C8orf34: variants seen among roughly 807,000 people sequenced by gnomAD.
C8orf34 encodes uncharacterized protein C8orf34.
A neutral mutation model predicts 68.3 loss-of-function variants in C8orf34; 65 were observed. The observed-to-expected ratio is 0.95, with a 90% CI of 0.78 to 1.17. C8orf34 has a LOEUF of 1.17. Ranked by LOEUF, C8orf34 falls within the 50% of genes most tolerant of loss-of-function variation. The pLI is 0.00. For missense variants in C8orf34, 664 were observed against 655.4 expected (o/e 1.01, Z -0.14); for synonymous variants, 244 against 241.2 (o/e 1.01, Z -0.11).
chr8:68,783,766 G>A (rs948203059), intron 11 of C8orf34, among the ~76,000 whole-genome samples: 6 of 152,026 alleles, frequency 3.9e-5, no homozygotes, highest in Non-Finnish European at 8.8e-5. Flanking sequence ...CAACCACCTC[G>A]GGCACATGTC....
chr8:68,736,559 A>T (rs1822128156), intron 10 of C8orf34, among the ~76,000 whole-genome samples: 1 of 152,128 alleles, frequency 6.6e-6, no homozygotes, highest in Admixed American at 6.6e-5. Context: ...TGTGATTATT[A>T]ACACTAGAAT....
chr8:68,330,688 G>C, upstream of C8orf34: 1 of 289,938 alleles, frequency 3.4e-6, no homozygotes, highest in Non-Finnish European at 6.3e-6. Flanking sequence ...TTTTTAAGCG[G>C]CGCTGTCGCT....
intron 11 of C8orf34, among the ~76,000 whole-genome samples, chr8:68,784,586 T>C (rs989726896): frequency 6.6e-6 from 1 of 152,254 alleles, no homozygotes; most frequent in Non-Finnish European, 1.5e-5. Flanking sequence ...AATGCTCCTG[T>C]ATATACATTT....
At chr8:68,479,169 T>A (rs893560337) in intron 4 of C8orf34, among the ~76,000 whole-genome samples, 5 of 152,096 alleles carry the variant, frequency 3.3e-5, no homozygotes, top group Non-Finnish European at 7.4e-5. Flanking sequence ...TAAAGAATAA[T>A]TTTTAGAGAC....
At chr8:68,611,377 A>G (rs1818018692) in intron 7 of C8orf34, among the ~76,000 whole-genome samples, 1 of 152,170 alleles carries the variant, frequency 6.6e-6, no homozygotes, top group African/African-American at 2.4e-5. Context: ...GGAAAAAGGG[A>G]AATCAGAGAA....
chr8:68,480,157 G>C (rs560169557), intron 4 of C8orf34, among the ~76,000 whole-genome samples: 13 of 152,216 alleles, frequency 8.5e-5, no homozygotes, highest in Non-Finnish European at 1.8e-4. Context: ...AGGGACCCAG[G>C]GGGAGGTAAT....
intron 5 of C8orf34, among the ~76,000 whole-genome samples, chr8:68,491,356 A>G (rs1813305937): frequency 6.6e-6 from 1 of 152,152 alleles, no homozygotes; most frequent in Non-Finnish European, 1.5e-5. Flanking sequence ...CTTTAAAGCA[A>G]CACAAATTTA....
At chr8:68,543,831 C>T (rs1438937197) in intron 7 of C8orf34, among the ~76,000 whole-genome samples, 2 of 152,200 alleles carry the variant, frequency 1.3e-5, no homozygotes, top group African/African-American at 4.8e-5. Context: ...TAACCCTCCA[C>T]ATTGAACAGT....
chr8:68,377,968 C>T (rs1428974102), intron 1 of C8orf34, among the ~76,000 whole-genome samples: 1 of 152,042 alleles, frequency 6.6e-6, no homozygotes, highest in Admixed American at 6.5e-5. Context: ...ACCATCAGAT[C>T]TCATGAGACT....
chr8:68,419,105 A>T (rs573392823), intron 1 of C8orf34, among the ~76,000 whole-genome samples: 1 of 152,058 alleles, frequency 6.6e-6, no homozygotes, highest in Admixed American at 6.6e-5. Flanking sequence ...TAATATCCAG[A>T]ATCTACAATG....
At chr8:68,535,723 A>G (rs1223257339) in intron 7 of C8orf34, 2 of 920,832 alleles carry the variant, frequency 2.2e-6, no homozygotes, top group African/African-American at 3.6e-5. Flanking sequence ...AAGTAGATCA[A>G]ATATTTTCTG....
intron 10 of C8orf34, among the ~76,000 whole-genome samples, chr8:68,731,685 A>G (rs1408452968): frequency 1.3e-5 from 2 of 152,222 alleles, no homozygotes; most frequent in Non-Finnish European, 2.9e-5. Context: ...CTTACATAAA[A>G]CTATCTATTA....
chr8:68,800,364 T>C (rs991498985), intron 12 of C8orf34, among the ~76,000 whole-genome samples: 18 of 152,154 alleles, frequency 1.2e-4, no homozygotes, highest in African/African-American at 3.1e-4. Flanking sequence ...TAGAGTAATT[T>C]GGGTTTTTTT....
intron 8 of C8orf34, among the ~76,000 whole-genome samples, chr8:68,660,399 T>G (rs933303975): frequency 6.6e-6 from 1 of 152,208 alleles, no homozygotes; most frequent in Admixed American, 6.5e-5. Context: ...GTACTGCCCA[T>G]GGGTGCCAAT....
intron 1 of C8orf34, among the ~76,000 whole-genome samples, chr8:68,420,324 T>C (rs754253943): frequency 1.3e-5 from 2 of 152,140 alleles, no homozygotes; most frequent in Non-Finnish European, 2.9e-5. Context: ...ACATTAATTC[T>C]CACAAAAGCT....
At chr8:68,768,991 G>C (rs1021710436) in intron 10 of C8orf34, among the ~76,000 whole-genome samples, 1 of 151,226 alleles carries the variant, frequency 6.6e-6, no homozygotes, top group Admixed American at 6.6e-5. Context: ...TTTAAAAATC[G>C]TGTGGTCTTT....
At chr8:68,487,652 T>C (rs1311891321) in intron 4 of C8orf34, among the ~76,000 whole-genome samples, 1 of 152,204 alleles carries the variant, frequency 6.6e-6, no homozygotes, top group African/African-American at 2.4e-5. Flanking sequence ...GGAATCTAAA[T>C]TCTTAACAAG....
At chr8:68,668,958 C>A (rs754381655) in intron 8 of C8orf34, among the ~76,000 whole-genome samples, 22 of 152,118 alleles carry the variant, frequency 1.4e-4, no homozygotes, top group Non-Finnish European at 2.8e-4. Flanking sequence ...AGATAAGACC[C>A]CAGCCCAGCC....
intron 1 of C8orf34, among the ~76,000 whole-genome samples, chr8:68,436,319 T>TATTG (rs2129625377): frequency 6.6e-6 from 1 of 152,354 alleles, no homozygotes; most frequent in East Asian, 1.9e-4. Flanking sequence ...ATATTAATTT[T>TATTG]ATTGATATAA....
Sources: gnomAD v4.1 joint callset for allele counts (sites outside exome capture counted in the v4.1 genomes callset) on GRCh38, gnomAD v4.1.1 for gene constraint, MANE v1.5 for transcripts, NCBI Gene and HGNC (gene_info 2026-07-23, HGNC 2026-07-21) for gene names.